The following PRDM15 variants were observed in gnomAD, a reference collection of about 807,000 sequenced individuals.
PRDM15 encodes the protein PR domain zinc finger protein 15.
Under a neutral mutation model 128.6 loss-of-function variants are expected in PRDM15, and 64 were observed. That is an observed-to-expected ratio of 0.50 (90% CI 0.41 to 0.61). The LOEUF (loss-of-function observed/expected upper bound fraction) is 0.61. PRDM15 is among the 20% of genes least tolerant of loss of function. The pLI is 0.00. For synonymous variants in PRDM15, 615 were observed against 621.8 expected, an observed-to-expected ratio of 0.99 and a Z score of 0.16; for missense variants, 1,242 against 1,569.1, an observed-to-expected ratio of 0.79 and a Z score of 3.52.
chr21:41,867,441 A>G, intron 1 of PRDM15: 1 of 1,252,960 alleles, frequency 8.0e-7, no homozygotes, highest in Non-Finnish European at 1.2e-6. Context: ...GGTGAAACAT[A>G]CATGTTGAAG....
chr21:41,831,311 G>A (rs1281234856), intron 11 of PRDM15, among the ~76,000 whole-genome samples: 1 of 152,212 alleles, frequency 6.6e-6, no homozygotes, highest in Non-Finnish European at 1.5e-5. Flanking sequence ...TTTGTTGTGG[G>A]CCACCCTGTG....
chr21:41,860,749 T>G (rs935572032), intron 1 of PRDM15, among the ~76,000 whole-genome samples: 2 of 152,272 alleles, frequency 1.3e-5, no homozygotes, highest in Middle Eastern at 3.4e-3. Context: ...TAAAGACAAT[T>G]CCTACTAAAG....
rs2062278517 is a variant in PRDM15 at position 41,821,802 on chromosome 21, T to A, written c.1896+101A>T. On this transcript the variant is annotated intron_variant, in intron 15 of 23. Coordinates refer to ENST00000398548, the MANE Select transcript of PRDM15 (RefSeq NM_001040424.3). The surrounding 1 kb of genome is among the most constrained non-coding windows in gnomAD (Gnocchi z 5.4). ...GAGCCTTTGGGGAGGGAGGGCTGCTTCCGAGATGCATGAAGGTGCCTGCTG... is the reference window on the plus strand; with the variant it reads ...GAGCCTTTGGGGAGGGAGGGCTGCTACCGAGATGCATGAAGGTGCCTGCTG... The A allele has an allele frequency of 1.4e-6, 2 of 1,445,900 alleles. No homozygotes were observed. Among genetic ancestry groups the A allele is most frequent in the Non-Finnish European group, 1.9e-6 (2 of 1,048,326 alleles). The allele number at this position is 1,445,900 out of a possible 1,614,324, so 89.6% of individuals were successfully genotyped here.
At chr21:41,803,152 A>T in intron 22 of PRDM15, 1 of 571,244 alleles carries the variant, frequency 1.8e-6, no homozygotes, top group South Asian at 2.1e-5. Flanking sequence ...TCATATTTTT[A>T]AAAGTTGTAT....
chr21:41,828,380 A>T lies in PRDM15; in HGVS notation c.1367-47T>A, dbSNP rs2062546166. ...ACACAACGATTTTGAGGTAAATAAC[A>T]TCTCACGCAGGCACGCACGTGTGGC... On this transcript the variant is annotated intron_variant, in intron 11 of 23. Transcript: ENST00000398548. This position sits in a 1 kb window ranked among gnomAD's most constrained non-coding sequence, Gnocchi z 5.7. 1 of 1,602,292 alleles carries T rather than the reference A, an allele frequency of 6.2e-7. No individual in the cohort carries two copies. The highest frequency in any genetic ancestry group is 1.3e-5 in the African/African-American group (1 of 74,664).
rs969915523 is a variant in PRDM15 at position 41,821,323 on chromosome 21, G to A, written c.1897-93C>T. The A allele has an allele frequency of 2.6e-5, 37 of 1,428,758 alleles. No homozygotes were observed. Among genetic ancestry groups the A allele is most frequent in the Admixed American group, 1.5e-4 (8 of 54,102 alleles). 88.5% of individuals were successfully genotyped at this position (1,428,758 alleles called of 1,614,324 possible). ...GTCGTGTCCACAAACCAGGGCACCCGACACGCCCTGAGAGCCCATGACTCA... is the reference window on the plus strand; with the variant it reads ...GTCGTGTCCACAAACCAGGGCACCCAACACGCCCTGAGAGCCCATGACTCA... On this transcript the variant is annotated intron_variant, in intron 15 of 23. Coordinates refer to ENST00000398548, the MANE Select transcript of PRDM15 (RefSeq NM_001040424.3). The surrounding 1 kb of genome is among the most constrained non-coding windows in gnomAD (Gnocchi z 5.4).
rs1006224525 is a variant in PRDM15 at position 41,822,842 on chromosome 21, C to T, written c.1761+476G>A. Among the ~76,000 whole-genome samples, 8 of 151,998 alleles carry T rather than the reference C, an allele frequency of 5.3e-5. 1 individual carries two copies. The South Asian group carries it at 6.2e-4, about 12-fold the overall frequency. ...TTGAGGTCAGGAGTTCAAGACCAGC[C>T]GGGCCAACAAGGTGAAACCCTGTCT... is the stretch of plus-strand genomic sequence containing the variant. On this transcript the variant is annotated intron_variant, in intron 14 of 23. Coordinates refer to ENST00000398548, the MANE Select transcript of PRDM15 (RefSeq NM_001040424.3).
intron 6 of PRDM15, among the ~76,000 whole-genome samples, chr21:41,841,547 T>C (rs1305705046): frequency 6.6e-6 from 1 of 150,492 alleles, no homozygotes; most frequent in Middle Eastern, 3.2e-3. Context: ...CAAAGGGAAC[T>C]AAAGTTAAAA....
intron 13 of PRDM15, among the ~76,000 whole-genome samples, chr21:41,825,052 G>A (rs745335367): frequency 1.3e-5 from 2 of 152,230 alleles, no homozygotes; most frequent in African/African-American, 4.8e-5. Context: ...CCACTTGAGC[G>A]ACGTGCTGGA....
At chr21:41,841,878 A>G (rs1010567562) in intron 6 of PRDM15, among the ~76,000 whole-genome samples, 3 of 152,202 alleles carry the variant, frequency 2.0e-5, no homozygotes, top group Admixed American at 6.5e-5. Flanking sequence ...AGATCTGCCA[A>G]TTTTTGCTTA....
intron 6 of PRDM15, among the ~76,000 whole-genome samples, chr21:41,840,843 A>T (rs2063054405): frequency 6.6e-6 from 1 of 152,180 alleles, no homozygotes; most frequent in Non-Finnish European, 1.5e-5. Flanking sequence ...TATGAAAAAT[A>T]ACCAAATAAA....
intron 21 of PRDM15, among the ~76,000 whole-genome samples, chr21:41,806,371 TACCACCATCACCACC>T (rs1568882292): frequency 9.2e-3 from 31 of 3,384 alleles, no homozygotes; most frequent in African/African-American, 0.032. Context: ...CCACCATCAC[TACCACCATCACCACC>T]ACCACCATCA....
chr21:41,831,814 C>G (rs73219059), intron 11 of PRDM15, among the ~76,000 whole-genome samples: 1 of 152,148 alleles, frequency 6.6e-6, no homozygotes, highest in Admixed American at 6.5e-5. Context: ...TGGCCCTGTG[C>G]GAGGCTTCTC....
chr21:41,878,536 C>G (rs959524070), intron 1 of PRDM15, among the ~76,000 whole-genome samples: 1 of 152,178 alleles, frequency 6.6e-6, no homozygotes, highest in Non-Finnish European at 1.5e-5. Context: ...CCTGTCCACG[C>G]GAGGCGGGCC....
rs750254837 is a variant in PRDM15, at chr21:41,837,924, C to T, written c.1001+10G>A. On this transcript the variant is annotated intron_variant, in intron 8 of 23. Transcript: ENST00000398548. ...CCACAGGACGGCCCCAGGTGCCAGG[C>T]AGGACTTACTTTGGAACCGAGCTGG... 6.2e-7 allele frequency: 1 copy of T among 1,614,168 alleles called. No homozygotes were observed. The highest frequency in any genetic ancestry group is 1.7e-4 in the Middle Eastern group (1 of 6,060).
rs1355219397 is a variant in PRDM15 at position 41,854,249 on chromosome 21, G to A, written c.538+317C>T. Reference sequence around the variant, plus strand: ...GTGTGTAGCAGGCCAGGCCATCAAGGTGCGCGAGAGTGCGCTCTACCATGC... The same window carrying A: ...GTGTGTAGCAGGCCAGGCCATCAAGATGCGCGAGAGTGCGCTCTACCATGC... On this transcript the variant is annotated intron_variant, in intron 5 of 23. Transcript: ENST00000398548. This position sits in a 1 kb window ranked among gnomAD's most constrained non-coding sequence, Gnocchi z 4.6. Among the ~76,000 whole-genome samples the A allele has an allele frequency of 2.6e-5, 4 of 152,082 alleles. No individual in the cohort carries two copies. Among genetic ancestry groups the A allele is most frequent in the Admixed American group, 6.5e-5 (1 of 15,280 alleles).
intron 21 of PRDM15, among the ~76,000 whole-genome samples, chr21:41,806,304 T>C (rs867787686): frequency 6.8e-3 from 8 of 1,174 alleles, no homozygotes; most frequent in Non-Finnish European, 0.01. Flanking sequence ...ACCACCACCA[T>C]CACCACCACC....
At position 41,823,402 on chromosome 21, in the gene PRDM15, G is replaced by T. The variant is rs780165124; in HGVS notation, c.1677C>A (p.Gly559=). The stretch of plus-strand genomic sequence containing the variant: ...AGATCTCGCAGGTGTACTTCTTGTC[G>T]CCGTGGGTGAGCAGGTGCTTGTTCA... The part of the protein sequence containing the change: ...SNMNKHLLTH[G]DKKYTCEICG... Residue 559 remains glycine (G), a synonymous_variant, in exon 14 of 24, where the codon GGC becomes GGA. Transcript: ENST00000398548. The T allele has an allele frequency of 1.3e-6, 2 of 1,566,956 alleles. No homozygotes were observed. The highest frequency in any genetic ancestry group is 1.7e-6 in the Non-Finnish European group (2 of 1,156,358).
chr21:41,805,988 T>TCACCATCAC (rs2061557117), intron 21 of PRDM15, among the ~76,000 whole-genome samples: 1 of 42,874 alleles, frequency 2.3e-5, no homozygotes, highest in Non-Finnish European at 4.6e-5. Context: ...ATCACCACTA[T>TCACCATCAC]CACCACCACC....
Sources: allele counts gnomAD v4.1 joint callset (sites outside exome capture counted in the v4.1 genomes callset), GRCh38; gene constraint gnomAD v4.1.1; non-coding constraint Gnocchi (gnomAD v3.1); transcripts MANE v1.5; gene names NCBI Gene and HGNC (gene_info 2026-07-23, HGNC 2026-07-21).